The following LIMD2 variants were observed in gnomAD, a reference collection of about 807,000 sequenced individuals.
LIMD2 encodes LIM domain containing 2, also known as LIM domain-containing protein 2.
In LIMD2, 11 loss-of-function variants were observed where a neutral mutation model predicts 16.0. That is an observed-to-expected ratio of 0.69 (90% confidence interval 0.43 to 1.14). The LOEUF is 1.14. LIMD2 is among the 50% of genes most tolerant of loss of function. The pLI, the probability that LIMD2 is intolerant of heterozygous loss-of-function variation, is 0.00. For missense variants in LIMD2, 168 were observed against 165.8 expected (o/e 1.01, Z -0.07); for synonymous variants, 60 against 67.1 (o/e 0.89, Z 0.52).
chr17:63,699,231 G>T (rs748491131), intron 2 of LIMD2, 26 bp downstream of exon 2: 5 of 1,610,246 alleles, frequency 3.1e-6, no homozygotes, highest in Admixed American at 3.4e-5. Context: ...TGTCCGGGGG[G>T]CCCTCCCACC....
upstream of LIMD2, chr17:63,700,957 C>CG (rs1378822820): frequency 6.6e-6 from 1 of 152,306 alleles, no homozygotes; most frequent in Non-Finnish European, 1.5e-5. This position sits in a 1 kb window ranked among gnomAD's most constrained non-coding sequence, Gnocchi z 7.1. Context: ...TGGGCAGCAA[C>CG]GGGGGCCCCC....
At chr17:63,699,004 G>A (rs1447897201) in intron 3 of LIMD2, 24 bp downstream of exon 3, 1 of 1,609,220 alleles carries the variant, frequency 6.2e-7, no homozygotes, top group Non-Finnish European at 8.5e-7. Context: ...CCCTCCTCCC[G>A]CACACCCGGC....
At chr17:63,699,504 C>T in intron 1 of LIMD2, 156 bp from the exon 2 acceptor site, 1 of 639,802 alleles carries the variant, frequency 1.6e-6, no homozygotes, top group South Asian at 2.2e-5. Flanking sequence ...CCCTCACCCA[C>T]CTCCCCCACC....
Position 63,698,800 on chromosome 17 carries a change from T to C in LIMD2, c.223A>G (p.Ser75Gly). 1.9e-6 allele frequency: 3 copies of C among 1,611,802 alleles called. No individual in the cohort carries two copies. The highest frequency in any genetic ancestry group is 2.5e-6 in the Non-Finnish European group (3 of 1,179,652). Residue 75 changes from serine (S) to glycine (G), a missense_variant and splice_region_variant, in exon 4 of 5, where the codon AGC becomes GGC. Transcript: ENST00000259006. ...GGGGCGGGCAGGGCAGGGGCGCACC[T>C]GAGCTTGGTGTGACAGTGCTTGCAG... ...FCCKHCHTKL[S>G]LGSYAALHGE...
Position 63,700,038 on chromosome 17 carries a change from C to A in LIMD2, c.-57G>T. The A allele has an allele frequency of 1.0e-6, 1 of 984,188 alleles. No homozygotes were observed. Among genetic ancestry groups the A allele is most frequent in the Non-Finnish European group, 1.2e-6 (1 of 829,230 alleles). 61.0% of individuals were successfully genotyped at this position (984,188 alleles called of 1,614,324 possible). On this transcript the variant is annotated 5_prime_UTR_variant, in exon 1 of 5. Transcript: ENST00000259006. This position sits in a 1 kb window ranked among gnomAD's most constrained non-coding sequence, Gnocchi z 7.1. ...CTCCCCCCGCGGCTCTCACCAGGCC[C>A]GGCCTGGGCCGCGGGGCGGGATCGG...
At chr17:63,700,357 G>C (rs1045142447), upstream of LIMD2, 3 of 187,970 alleles carry the variant, frequency 1.6e-5, no homozygotes, top group African/African-American at 7.1e-5. The surrounding 1 kb of genome is among the most constrained non-coding windows in gnomAD (Gnocchi z 7.1). Flanking sequence ...CGCGCTCGCA[G>C]GCCTCGGGTA....
At chr17:63,699,711 G>T (rs2035755792) in intron 1 of LIMD2, 2 of 511,300 alleles carry the variant, frequency 3.9e-6, no homozygotes, top group Non-Finnish European at 5.0e-6. Context: ...GGCCCTCGCT[G>T]CCCTGCGCCG....
Position 63,698,334 on chromosome 17 carries a change from G to C in LIMD2, c.*218C>G. 1.6e-6 allele frequency: 1 copy of C among 620,832 alleles called. No individual in the cohort carries two copies. The highest frequency in any genetic ancestry group is 2.0e-5 in the South Asian group (1 of 50,126). The allele number at this position is 620,832 out of a possible 1,614,324, so 38.5% of individuals were successfully genotyped here. On this transcript the variant is annotated 3_prime_UTR_variant, in exon 5 of 5. Coordinates refer to ENST00000259006, the MANE Select transcript of LIMD2 (RefSeq NM_030576.4). ...GCTGAACGAAGCAGGAAGCAGGGTGGTGGGCAGACCCCAATCCTGGTTTCC... is the reference window on the plus strand; with the variant it reads ...GCTGAACGAAGCAGGAAGCAGGGTGCTGGGCAGACCCCAATCCTGGTTTCC...
Position 63,696,646 on chromosome 17 carries a change from A to T in LIMD2, c.*1906T>A, listed in dbSNP as rs1312974823. 6.6e-6 allele frequency: 1 copy of T among 152,150 alleles called. No homozygotes were observed. The highest frequency in any genetic ancestry group is 1.5e-5 in the Non-Finnish European group (1 of 68,098). The allele number at this position is 152,150 out of a possible 1,614,324, so 9.4% of individuals were successfully genotyped here. A position where few individuals can be genotyped will look rare whatever the true frequency, so the allele number is the denominator to read the frequency against. ...TGGTAGGGTCTTCCTGGCCCAGAGGACTTCCTTCAGTCCCATCTTTGCAGG... is the reference window on the plus strand; with the variant it reads ...TGGTAGGGTCTTCCTGGCCCAGAGGTCTTCCTTCAGTCCCATCTTTGCAGG... On this transcript the variant is annotated 3_prime_UTR_variant, in exon 5 of 5. Coordinates refer to ENST00000259006, the MANE Select transcript of LIMD2 (RefSeq NM_030576.4).
chr17:63,700,155 T>TCG (rs1191547306), upstream of LIMD2: 4 of 981,274 alleles, frequency 4.1e-6, no homozygotes, highest in African/African-American at 1.8e-5. This position sits in a 1 kb window ranked among gnomAD's most constrained non-coding sequence, Gnocchi z 7.1. Context: ...CACCGCCTTA[T>TCG]CGCTGCACCG....
At chr17:63,700,149 G>T, upstream of LIMD2, 1 of 983,262 alleles carries the variant, frequency 1.0e-6, no homozygotes, top group Non-Finnish European at 1.2e-6. This position sits in a 1 kb window ranked among gnomAD's most constrained non-coding sequence, Gnocchi z 7.1. Flanking sequence ...CGCCGCCACC[G>T]CCTTATCGCT....
At chr17:63,700,291 TTGTC>T (rs1186152468), upstream of LIMD2, 5 of 406,390 alleles carry the variant, frequency 1.2e-5, no homozygotes, top group Admixed American at 1.3e-4. This position sits in a 1 kb window ranked among gnomAD's most constrained non-coding sequence, Gnocchi z 7.1. Flanking sequence ...GTCCCCGCCT[TTGTC>T]TGTCCCCCGC....
chr17:63,698,945 G>C lies in LIMD2; in HGVS notation c.85-7C>G, dbSNP rs1273415801. On this transcript the variant is annotated splice_polypyrimidine_tract_variant and splice_region_variant and intron_variant, in intron 3 of 4. Coordinates refer to ENST00000259006, the MANE Select transcript of LIMD2 (RefSeq NM_030576.4). ...GGGCCCGCAGGCTGAAGGACTGTGC[G>C]GGAAGCTCAGCCAGGTGCTGCCCCA... 1 of 1,612,672 alleles carries C rather than the reference G, an allele frequency of 6.2e-7. No homozygotes were observed.
Position 63,698,678 on chromosome 17 carries a change from G to C in LIMD2, c.258C>G (p.Phe86Leu), listed in dbSNP as rs370244471. The C allele has an allele frequency of 6.2e-7, 1 of 1,613,530 alleles. No homozygotes were observed. The highest frequency in any genetic ancestry group is 1.3e-5 in the African/African-American group (1 of 74,896). The change falls in exon 5 of 5, where the codon TTC becomes TTG. Residue 86 changes from phenylalanine (F) to leucine (L), a missense_variant. By Grantham distance (22) the Phe-to-Leu change is conservative. Transcript: ENST00000259006. ...LGSYAALHGE[F>L]YCKPHFQQLF... ...GCTGCTGGAAGTGGGGTTTGCAGTA[G>C]AACTCCCCGTGCAGCGCGGCGTAGC...
upstream of LIMD2, chr17:63,701,119 C>G (rs927761483): frequency 1.3e-5 from 2 of 152,320 alleles, no homozygotes. Flanking sequence ...TTTGGAGCGG[C>G]GGCGAGGCCG....
At position 63,697,958 on chromosome 17, in the gene LIMD2, C is replaced by A. The variant is rs145395063; in HGVS notation, c.*594G>T. The A allele has an allele frequency of 8.2e-3, 1,250 of 153,358 alleles. 5 individuals are homozygous for A. The highest frequency in any genetic ancestry group is 0.013 in the Non-Finnish European group (908 of 68,624). The allele number at this position is 153,358 out of a possible 1,614,324, so 9.5% of individuals were successfully genotyped here. On this transcript the variant is annotated 3_prime_UTR_variant, in exon 5 of 5. Transcript: ENST00000259006. Reference sequence around the variant, plus strand: ...GCGAGTGCTTTTGCTTCTGCTTCTCCACGCTGGTGGTTCGAGATGGTCCCA... The same window carrying A: ...GCGAGTGCTTTTGCTTCTGCTTCTCAACGCTGGTGGTTCGAGATGGTCCCA...
intron 1 of LIMD2, chr17:63,699,742 G>C (rs948147309): frequency 2.7e-6 from 2 of 753,026 alleles, no homozygotes; most frequent in African/African-American, 1.9e-5. Flanking sequence ...TCCAGGCCTA[G>C]GCTGCGCAGC....
intron 1 of LIMD2, 130 bp downstream of exon 1, chr17:63,699,902 G>A: frequency 1.0e-6 from 1 of 984,100 alleles, no homozygotes; most frequent in Non-Finnish European, 1.2e-6. Flanking sequence ...ACGAGGACTC[G>A]AGCCTGTGCG....
In LIMD2 at chr17:63,698,315, CGAA is replaced by C. The variant is rs2035723326; in HGVS notation, c.*234_*236del. 1.2e-5 allele frequency: 7 copies of C among 577,400 alleles called. No individual in the cohort carries two copies. Among genetic ancestry groups the C allele is most frequent in the Non-Finnish European group, 2.1e-5 (7 of 329,230 alleles). 35.8% of individuals were successfully genotyped at this position (577,400 alleles called of 1,614,324 possible). On this transcript the variant is annotated 3_prime_UTR_variant, in exon 5 of 5. Transcript: ENST00000259006. ...GGGTGAGGTGGGGAGGGAGGCTGAACGAAGCAGGAAGCAGGGTGGTGGGCAGAC... is the reference window on the plus strand; with the variant it reads ...GGGTGAGGTGGGGAGGGAGGCTGAACGCAGGAAGCAGGGTGGTGGGCAGAC...
Sources: allele counts gnomAD v4.1 joint callset, GRCh38; gene constraint gnomAD v4.1.1; non-coding constraint Gnocchi (gnomAD v3.1); transcripts MANE v1.5; gene names NCBI Gene and HGNC (gene_info 2026-07-23, HGNC 2026-07-21).